PGS1: variants seen among roughly 807,000 people sequenced by gnomAD.
PGS1 encodes CDP-diacylglycerol--glycerol-3-phosphate 3-phosphatidyltransferase, mitochondrial.
PGS1 carries 44 observed loss-of-function variants against 58.3 expected under a neutral mutation model. The observed-to-expected ratio is 0.75, with a 90% confidence interval of 0.59 to 0.97. The LOEUF (loss-of-function observed/expected upper bound fraction) is 0.97. Ranked by LOEUF, PGS1 falls within the 50% of genes least tolerant of loss-of-function variation. The pLI, the probability that PGS1 is intolerant of heterozygous loss-of-function variation, is 0.00. For synonymous variants in PGS1, 330 were observed against 311.0 expected, an observed-to-expected ratio of 1.06 and a Z score of -0.64; for missense variants, 684 against 731.1, an observed-to-expected ratio of 0.94 and a Z score of 0.74.
intron 1 of PGS1, among the ~76,000 whole-genome samples, chr17:78,381,711 C>A (rs536694922): frequency 4.6e-5 from 7 of 152,270 alleles, no homozygotes; most frequent in Middle Eastern, 3.4e-3. Flanking sequence ...TGTTGGAGGG[C>A]CAGTGAACCC....
chr17:78,396,687 G>A (rs930313126), intron 3 of PGS1, among the ~76,000 whole-genome samples: 1 of 152,370 alleles, frequency 6.6e-6, no homozygotes, highest in South Asian at 2.1e-4. Flanking sequence ...GGGCTTGGCC[G>A]ACTGTGGCCT....
intron 4 of PGS1, 54 bp from the exon 5 acceptor site, chr17:78,399,294 G>A: frequency 3.5e-6 from 5 of 1,443,098 alleles, no homozygotes; most frequent in Non-Finnish European, 4.9e-6. Context: ...CCTCATTGGG[G>A]GCAGGACGCC....
At chr17:78,378,831 G>A in intron 1 of PGS1, 23 bp downstream of exon 1, 1 of 1,411,388 alleles carries the variant, frequency 7.1e-7, no homozygotes, top group Non-Finnish European at 9.2e-7. Flanking sequence ...GCCGGGATGA[G>A]AGTGCAGCCC....
chr17:78,383,566 G>C (rs1314379419), intron 1 of PGS1, among the ~76,000 whole-genome samples: 1 of 152,138 alleles, frequency 6.6e-6, no homozygotes, highest in Non-Finnish European at 1.5e-5. Flanking sequence ...CTTGTTCAAC[G>C]TGTAAGTAGT....
At chr17:78,383,384 G>C (rs909665821) in intron 1 of PGS1, among the ~76,000 whole-genome samples, 10 of 152,006 alleles carry the variant, frequency 6.6e-5, no homozygotes, top group Admixed American at 6.6e-4. Flanking sequence ...GTGCCACCAC[G>C]CCCATCTAAT....
chr17:78,405,120 C>T (rs1353797197), intron 7 of PGS1, among the ~76,000 whole-genome samples: 2 of 151,992 alleles, frequency 1.3e-5, no homozygotes, highest in Non-Finnish European at 2.9e-5. Flanking sequence ...GCCTCAGCCT[C>T]CCTAGTAGCT....
chr17:78,397,291 A>G (rs4969183), intron 3 of PGS1, among the ~76,000 whole-genome samples: 61,116 of 134,164 alleles, frequency 0.46, 16,700 homozygotes, highest in Admixed American at 0.53. Context: ...ATAGTGAAAC[A>G]GACGGGCCCA....
chr17:78,398,192 T>C lies in PGS1; in HGVS notation c.412-60T>C, dbSNP rs2083388773. 7 of 1,273,528 alleles carry C rather than the reference T, an allele frequency of 5.5e-6. No homozygotes were observed. The East Asian group carries it at 1.2e-4, about 21-fold the overall frequency. 78.9% of individuals were successfully genotyped at this position (1,273,528 alleles called of 1,614,324 possible). On this transcript the variant is annotated intron_variant, in intron 3 of 9. Transcript: ENST00000262764. ...ACTAGCCGATGGGGCGATTTGTTTT[T>C]CTTTAAATACACACACCTCTTTGGG... is the stretch of plus-strand genomic sequence containing the variant.
At chr17:78,420,048 T>C in intron 9 of PGS1, 1 of 1,102,154 alleles carries the variant, frequency 9.1e-7, no homozygotes, top group Non-Finnish European at 1.1e-6. Flanking sequence ...CTGAGCACAC[T>C]GGTGCAGGAG....
chr17:78,413,010 G>A (rs911238124), intron 7 of PGS1, among the ~76,000 whole-genome samples: 27 of 152,224 alleles, frequency 1.8e-4, no homozygotes, highest in Admixed American at 1.7e-3. Flanking sequence ...GGACCAACCT[G>A]GGCAGCGTGA....
chr17:78,424,522 G>A lies in PGS1; in HGVS notation c.*472G>A, dbSNP rs929530922. 8 of 223,800 alleles carry A rather than the reference G, an allele frequency of 3.6e-5. No homozygotes were observed. Among genetic ancestry groups the A allele is most frequent in the Admixed American group, 2.5e-4 (5 of 19,616 alleles). The allele number at this position is 223,800 out of a possible 1,614,324, so 13.9% of individuals were successfully genotyped here. ...TTAATGTGTAATGTCTGCCCTATGT[G>A]TACATACACAATATAATTATACATC... On this transcript the variant is annotated 3_prime_UTR_variant, in exon 10 of 10. Coordinates refer to ENST00000262764, the MANE Select transcript of PGS1 (RefSeq NM_024419.5).
chr17:78,422,813 G>A (rs1221982991), intron 9 of PGS1, among the ~76,000 whole-genome samples: 1 of 152,180 alleles, frequency 6.6e-6, no homozygotes, highest in Non-Finnish European at 1.5e-5. Context: ...GAAATGTTGA[G>A]GGCCGGGCAC....
intron 7 of PGS1, among the ~76,000 whole-genome samples, chr17:78,411,561 G>A (rs768465774): frequency 6.6e-6 from 1 of 152,192 alleles, no homozygotes; most frequent in Non-Finnish European, 1.5e-5. Context: ...CCCATGAACT[G>A]CCAGCAGTCA....
At chr17:78,406,216 G>A (rs896545372) in intron 7 of PGS1, among the ~76,000 whole-genome samples, 1 of 152,150 alleles carries the variant, frequency 6.6e-6, no homozygotes, top group Non-Finnish European at 1.5e-5. Context: ...CACTTGGGAG[G>A]CTGAGGCAGG....
chr17:78,397,960 CGT>C, intron 3 of PGS1: 1 of 507,476 alleles, frequency 2.0e-6, no homozygotes. Flanking sequence ...GACCTGGTGT[CGT>C]AGCGTTTCCA....
chr17:78,416,559 A>T (rs866174786), intron 8 of PGS1, among the ~76,000 whole-genome samples: 1 of 152,098 alleles, frequency 6.6e-6, no homozygotes, highest in African/African-American at 2.4e-5. Context: ...AAGGGCACTG[A>T]ACCCACATCC....
At chr17:78,389,802 G>A (rs1475226890) in intron 1 of PGS1, among the ~76,000 whole-genome samples, 1 of 151,944 alleles carries the variant, frequency 6.6e-6, no homozygotes, top group East Asian at 1.9e-4. Flanking sequence ...TTTTAGTAGA[G>A]ACGGGGTTTC....
At chr17:78,395,083 T>C (rs1423774896) in intron 2 of PGS1, among the ~76,000 whole-genome samples, 1 of 152,142 alleles carries the variant, frequency 6.6e-6, no homozygotes, top group African/African-American at 2.4e-5. Flanking sequence ...ATTCTTCTGG[T>C]TTGTGTCACA....
rs372256068 is a variant in PGS1, at chr17:78,395,407, AG to A, written c.334-900del. 2.8e-3 allele frequency among the ~76,000 whole-genome samples: 429 copies of A among 152,220 alleles called. 2 individuals are homozygous for A. The highest frequency in any genetic ancestry group is 9.6e-3 in the African/African-American group (400 of 41,510). Reference sequence around the variant, plus strand: ...GATTGTTCATGTTTCTGTCTAGTCAAGTTGCCTGTCTTCCTGTGTTGACAAT... The same window carrying A: ...GATTGTTCATGTTTCTGTCTAGTCAATTGCCTGTCTTCCTGTGTTGACAAT... On this transcript the variant is annotated intron_variant, in intron 2 of 9. Coordinates refer to ENST00000262764, the MANE Select transcript of PGS1 (RefSeq NM_024419.5).
Sources: allele counts gnomAD v4.1 joint callset (sites outside exome capture counted in the v4.1 genomes callset), GRCh38; gene constraint gnomAD v4.1.1; transcripts MANE v1.5; gene names NCBI Gene and HGNC (gene_info 2026-07-23, HGNC 2026-07-21).